Variants in ANKS1A observed in about 807,000 individuals in gnomAD.
ANKS1A encodes ankyrin repeat and sterile alpha motif domain containing 1A, also known as ankyrin repeat and SAM domain-containing protein 1A.
A neutral mutation model predicts 120.3 loss-of-function variants in ANKS1A; 55 were observed. The observed-to-expected ratio is 0.46, with a 90% confidence interval of 0.37 to 0.57. The LOEUF is 0.57. Ranked by LOEUF, ANKS1A falls within the 20% of genes least tolerant of loss-of-function variation. The probability of loss-of-function intolerance (pLI) is 0.00; values close to 1 mark genes in which losing one functional copy is unlikely to be tolerated. For synonymous variants in ANKS1A, 590 were observed against 604.7 expected (o/e 0.98, Z 0.36); for missense variants, 1,123 against 1,480.3 (o/e 0.76, Z 3.96).
intron 1 of ANKS1A, among the ~76,000 whole-genome samples, chr6:34,916,253 A>G (rs1250151925): frequency 6.6e-6 from 1 of 152,048 alleles, no homozygotes; most frequent in Non-Finnish European, 1.5e-5. Flanking sequence ...TCGGCCTCCT[A>G]AAGTGCTGGG....
chr6:35,011,855 C>T (rs1773773804), intron 10 of ANKS1A, among the ~76,000 whole-genome samples: 1 of 152,148 alleles, frequency 6.6e-6, no homozygotes, highest in African/African-American at 2.4e-5. Context: ...ATGCTTCCCA[C>T]GGGCCAGCTG....
In ANKS1A at chr6:35,058,614, C is replaced by T. The variant is rs1268160098; in HGVS notation, c.2078-1533C>T. 4 of 152,324 alleles carry T rather than the reference C, an allele frequency of 2.6e-5. No homozygotes were observed. Among genetic ancestry groups the T allele is most frequent in the Non-Finnish European group, 5.9e-5 (4 of 68,106 alleles). 9.4% of individuals were successfully genotyped at this position (152,324 alleles called of 1,614,324 possible). On this transcript the variant is annotated intron_variant, in intron 12 of 23. Transcript: ENST00000360359. This position sits in a 1 kb window ranked among gnomAD's most constrained non-coding sequence, Gnocchi z 5.1. ...CCAAGGAAGTTGGCATTGTCCTGCC[C>T]CAAGGGGCAGAAAGTACCTGGGAAC...
chr6:35,005,319 A>T (rs984206928), intron 10 of ANKS1A, among the ~76,000 whole-genome samples: 1 of 152,178 alleles, frequency 6.6e-6, no homozygotes, highest in African/African-American at 2.4e-5. Flanking sequence ...TTGTCATTGA[A>T]ACTGAGCAAC....
intron 1 of ANKS1A, among the ~76,000 whole-genome samples, chr6:34,892,333 GAC>G (rs1766863963): frequency 1.3e-5 from 2 of 152,294 alleles, no homozygotes; most frequent in Non-Finnish European, 2.9e-5. Flanking sequence ...TTTAGATGTG[GAC>G]ATAGTGAAGG....
chr6:34,994,284 G>A lies in ANKS1A; in HGVS notation c.1303-18G>A, dbSNP rs1445887331. 14 of 1,611,936 alleles carry A rather than the reference G, an allele frequency of 8.7e-6. No homozygotes were observed. The highest frequency in any genetic ancestry group is 1.2e-5 in the Non-Finnish European group (14 of 1,178,560). ...TTAGCCACATGCACAAGATACACTG[G>A]ATGTTTCTCTCCCTTAGGTTCTGTC... On this transcript the variant is annotated intron_variant, in intron 9 of 23. Transcript: ENST00000360359.
At chr6:34,911,335 T>A (rs1455299865) in intron 1 of ANKS1A, among the ~76,000 whole-genome samples, 1 of 152,186 alleles carries the variant, frequency 6.6e-6, no homozygotes, top group East Asian at 1.9e-4. Context: ...AATCGGTACT[T>A]TTTGTGAAAT....
At chr6:35,062,609 G>C (rs1381342957) in intron 13 of ANKS1A, among the ~76,000 whole-genome samples, 1 of 152,204 alleles carries the variant, frequency 6.6e-6, no homozygotes, top group Non-Finnish European at 1.5e-5. Context: ...GAGGCTGTTT[G>C]ACAGTCATGG....
At chr6:35,061,052 G>A (rs185725282) in intron 13 of ANKS1A, among the ~76,000 whole-genome samples, 2 of 152,178 alleles carry the variant, frequency 1.3e-5, no homozygotes, top group African/African-American at 4.8e-5. Flanking sequence ...TCTCACTAGC[G>A]CTTACTGTGT....
chr6:35,029,516 T>C (rs1272857733), intron 11 of ANKS1A, among the ~76,000 whole-genome samples: 1 of 151,544 alleles, frequency 6.6e-6, no homozygotes, highest in Admixed American at 6.6e-5. Flanking sequence ...GCCCAGCTAA[T>C]CTTTGTATTT....
chr6:35,076,733 G>T (rs1216744061), intron 13 of ANKS1A, among the ~76,000 whole-genome samples: 1 of 152,082 alleles, frequency 6.6e-6, no homozygotes, highest in Non-Finnish European at 1.5e-5. Flanking sequence ...GGTTCAAAAT[G>T]ATTCTCCTGC....
At position 34,933,739 on chromosome 6, in the gene ANKS1A, G is replaced by A. The variant is rs188475905; in HGVS notation, c.198-33500G>A. Among the ~76,000 whole-genome samples, 282 of 152,334 alleles carry A rather than the reference G, an allele frequency of 1.9e-3. 1 individual carries two copies. Among genetic ancestry groups the A allele is most frequent in the African/African-American group, 6.4e-3 (265 of 41,566 alleles). On this transcript the variant is annotated intron_variant, in intron 1 of 23. Transcript: ENST00000360359. Reference sequence around the variant, plus strand: ...GTTGACTTCCTTGGATAGCATACCAGTGTTCTAGTTTCTTCCAACCCTTTT... The same window carrying A: ...GTTGACTTCCTTGGATAGCATACCAATGTTCTAGTTTCTTCCAACCCTTTT...
chr6:34,945,661 T>C (rs1045200338), intron 1 of ANKS1A, among the ~76,000 whole-genome samples: 1 of 152,198 alleles, frequency 6.6e-6, no homozygotes, highest in African/African-American at 2.4e-5. Flanking sequence ...TTGTGCATTG[T>C]AGACACTGAG....
At chr6:35,005,134 T>G (rs2127547409) in intron 10 of ANKS1A, among the ~76,000 whole-genome samples, 1 of 152,314 alleles carries the variant, frequency 6.6e-6, no homozygotes, top group East Asian at 1.9e-4. Flanking sequence ...TAAAAAAGAT[T>G]GATAGAAAGT....
chr6:34,997,032 C>G (rs1772890596), intron 10 of ANKS1A, among the ~76,000 whole-genome samples: 1 of 152,050 alleles, frequency 6.6e-6, no homozygotes, highest in East Asian at 1.9e-4. Flanking sequence ...CATTTAGAAT[C>G]AGCTTATTGA....
intron 11 of ANKS1A, among the ~76,000 whole-genome samples, chr6:35,049,557 G>C (rs138530434): frequency 6.6e-6 from 1 of 152,320 alleles, no homozygotes; most frequent in South Asian, 2.1e-4. Flanking sequence ...CCGCCCCGTG[G>C]CTCAGGCCTA....
At chr6:34,926,379 A>G (rs559155532) in intron 1 of ANKS1A, among the ~76,000 whole-genome samples, 1 of 152,278 alleles carries the variant, frequency 6.6e-6, no homozygotes, top group Non-Finnish European at 1.5e-5. Context: ...TGGACCATTC[A>G]TGCCTGTGAT....
rs1179089809 is a variant in ANKS1A, at chr6:34,889,501, G to GGGC, written c.111_113dup (p.Gly39dup). ...GGAAGCGGCTCTCCTCAGGCTTTGG[G>GGGC]GGCGGCGGCGGCGGTGGCTCTGGGG... On this transcript the variant is annotated inframe_insertion, in exon 1 of 24. Transcript: ENST00000360359. This position sits in a 1 kb window ranked among gnomAD's most constrained non-coding sequence, Gnocchi z 5.5. 3.9e-6 allele frequency: 5 copies of GGGC among 1,277,036 alleles called. No homozygotes were observed. Among genetic ancestry groups the GGGC allele is most frequent in the South Asian group, 3.5e-5 (1 of 28,870 alleles). The allele number at this position is 1,277,036 out of a possible 1,614,324, so 79.1% of individuals were successfully genotyped here. A position where few individuals can be genotyped will look rare whatever the true frequency, so the allele number is the denominator to read the frequency against.
At chr6:34,937,861 C>T (rs1769336973) in intron 1 of ANKS1A, among the ~76,000 whole-genome samples, 1 of 152,184 alleles carries the variant, frequency 6.6e-6, no homozygotes, top group Non-Finnish European at 1.5e-5. Context: ...CTTATTAGGA[C>T]AAAATCAGTT....
intron 1 of ANKS1A, among the ~76,000 whole-genome samples, chr6:34,945,443 A>G (rs1769742962): frequency 6.6e-6 from 1 of 152,134 alleles, no homozygotes; most frequent in Non-Finnish European, 1.5e-5. Context: ...CTTTTTTTGC[A>G]TGTGATTTCC....
Sources: allele counts gnomAD v4.1 joint callset (sites outside exome capture counted in the v4.1 genomes callset), GRCh38; gene constraint gnomAD v4.1.1; non-coding constraint Gnocchi (gnomAD v3.1); transcripts MANE v1.5; gene names NCBI Gene and HGNC (gene_info 2026-07-23, HGNC 2026-07-21).